RNF145: variants seen among roughly 807,000 people sequenced by gnomAD.
RNF145 encodes the protein ring finger protein 145.
Under a neutral mutation model 57.3 loss-of-function variants are expected in RNF145, and 12 were observed. That is an observed-to-expected ratio of 0.21 (90% confidence interval 0.13 to 0.34). RNF145 has a LOEUF of 0.34. Ranked by LOEUF, RNF145 falls within the 10% of genes least tolerant of loss-of-function variation. The probability of loss-of-function intolerance (pLI) is 1.00; values close to 1 mark genes in which losing one functional copy is unlikely to be tolerated. For missense variants in RNF145, 429 were observed against 799.0 expected (o/e 0.54, Z 5.58); for synonymous variants, 262 against 288.3 (o/e 0.91, Z 0.92).
At position 159,158,915 on chromosome 5, in the gene RNF145, G is replaced by T; in HGVS notation, c.1747C>A (p.Gln583Lys). The change falls in exon 11 of 11, where the codon CAG becomes AAG. Residue 583 changes from glutamine to lysine, a missense_variant. Gln to Lys is a moderately conservative substitution (Grantham distance 53). This residue lies in a region of RNF145 where 102 missense variants were observed against 106.2 expected (regional missense o/e 0.96). Coordinates refer to ENST00000424310, the MANE Select transcript of RNF145 (RefSeq NM_001199383.2). ...GGCTCAGTTCCTAATCCTGGAAGCT[G>T]GGAGGAGTTTTTCAGATGGCAGTGG... ...LCHCHLKNSS[Q>K]LPGLGTEPVL... is the part of the protein sequence containing the mutation. 4 of 1,613,924 alleles carry T rather than the reference G, an allele frequency of 2.5e-6. No homozygotes were observed. Among genetic ancestry groups the T allele is most frequent in the Middle Eastern group, 1.7e-4 (1 of 6,056 alleles).
In RNF145 at chr5:159,193,322, G is replaced by A. The variant is rs192417077; in HGVS notation, c.293+1394C>T. Among the ~76,000 whole-genome samples, 44 of 152,304 alleles carry A rather than the reference G, an allele frequency of 2.9e-4. No individual in the cohort carries two copies. In the East Asian group the frequency reaches 7.9e-3, roughly 27 times the overall value. ...CAGAGGACCTACCCTGGGCAGGATG[G>A]TGGCAGAAGTTAAAGAGTAAGACAC... On this transcript the variant is annotated intron_variant, in intron 3 of 10. Transcript: ENST00000424310.
intron 2 of RNF145, among the ~76,000 whole-genome samples, chr5:159,202,551 C>A (rs1262675511): frequency 1.3e-5 from 2 of 151,856 alleles, no homozygotes; most frequent in Non-Finnish European, 2.9e-5. Flanking sequence ...GTTCTCAGGG[C>A]TAAGTTTTAG....
chr5:159,163,520 T>A (rs990623685), intron 8 of RNF145, among the ~76,000 whole-genome samples: 2 of 152,178 alleles, frequency 1.3e-5, no homozygotes, highest in East Asian at 3.8e-4. Flanking sequence ...GCAGTGTGAC[T>A]AATAGGAATG....
intron 6 of RNF145, among the ~76,000 whole-genome samples, chr5:159,172,863 G>C (rs1349907820): frequency 6.6e-6 from 1 of 152,090 alleles, no homozygotes; most frequent in Non-Finnish European, 1.5e-5. Context: ...CTATTAACTA[G>C]AACTTAAAAC....
chr5:159,205,959 A>T (rs574065345), intron 1 of RNF145, among the ~76,000 whole-genome samples: 76 of 152,326 alleles, frequency 5.0e-4, no homozygotes, highest in African/African-American at 1.4e-3. Context: ...AGAAATCAAG[A>T]TCTGCTAGGG....
intron 4 of RNF145, among the ~76,000 whole-genome samples, chr5:159,177,193 T>C (rs1168023341): frequency 1.3e-5 from 2 of 152,136 alleles, no homozygotes; most frequent in Admixed American, 6.5e-5. Flanking sequence ...CAGTTGCTAA[T>C]GTTTATACAT....
intron 2 of RNF145, among the ~76,000 whole-genome samples, chr5:159,198,955 G>A (rs576397995): frequency 1.5e-4 from 23 of 152,234 alleles, no homozygotes; most frequent in African/African-American, 4.8e-4. Context: ...TCCAACCTGC[G>A]CAAGAGTGAG....
At chr5:159,174,179 G>C (rs773178061) in intron 5 of RNF145, 21 bp from the exon 6 acceptor site, 1 of 1,558,736 alleles carries the variant, frequency 6.4e-7, no homozygotes, top group Non-Finnish European at 8.7e-7. Context: ...ACGTAAGATA[G>C]GAAAACTTCT....
At chr5:159,196,544 G>A (rs140306555) in intron 2 of RNF145, among the ~76,000 whole-genome samples, 1 of 152,180 alleles carries the variant, frequency 6.6e-6, no homozygotes, top group African/African-American at 2.4e-5. Flanking sequence ...ATCCCCTATT[G>A]CCTCTCTCAT....
At chr5:159,193,436 C>G (rs1785353452) in intron 3 of RNF145, among the ~76,000 whole-genome samples, 2 of 152,120 alleles carry the variant, frequency 1.3e-5, no homozygotes, top group Non-Finnish European at 2.9e-5. Flanking sequence ...CTGGGAAACA[C>G]CCTGGGACTT....
At position 159,161,640 on chromosome 5, in the gene RNF145, AT is replaced by A. The variant is rs533689653; in HGVS notation, c.1270-19del. 1.5e-4 allele frequency: 138 copies of A among 906,084 alleles called. No homozygotes were observed. The East Asian group carries it at 2.1e-3, about 14-fold the overall frequency. 56.1% of individuals were successfully genotyped at this position (906,084 alleles called of 1,614,324 possible). On this transcript the variant is annotated intron_variant, in intron 9 of 10. Coordinates refer to ENST00000424310, the MANE Select transcript of RNF145 (RefSeq NM_001199383.2). ...CCCAGAACCTGAAAAAAAAAAAAAA[AT>A]GTACGTATCTTGAAATATGATCACT...
chr5:159,208,106 T>C (rs1785963752), intron 1 of RNF145: 2 of 1,446,686 alleles, frequency 1.4e-6, no homozygotes, highest in African/African-American at 1.4e-5. Context: ...CACAGGCCCC[T>C]TCCTCTCTCC....
chr5:159,188,710 T>C (rs1785176540), intron 3 of RNF145, among the ~76,000 whole-genome samples: 1 of 152,202 alleles, frequency 6.6e-6, no homozygotes. Flanking sequence ...TGACATTGAC[T>C]GAACCCATGA....
At chr5:159,162,592 GC>G (rs1321724498) in intron 9 of RNF145, among the ~76,000 whole-genome samples, 4 of 151,394 alleles carry the variant, frequency 2.6e-5, no homozygotes, top group African/African-American at 9.7e-5. Context: ...CCGCCACCGC[GC>G]CCGGCTAATT....
intron 2 of RNF145, among the ~76,000 whole-genome samples, chr5:159,195,271 C>T (rs1188211642): frequency 3.3e-5 from 5 of 152,194 alleles, no homozygotes; most frequent in South Asian, 4.1e-4. Flanking sequence ...TCAGTCGTTC[C>T]CCCTGACATC....
At chr5:159,203,307 CTCA>C (rs1785737160) in intron 2 of RNF145, 124 bp downstream of exon 2, 4 of 648,530 alleles carry the variant, frequency 6.2e-6, no homozygotes, top group Non-Finnish European at 1.1e-5. Flanking sequence ...TTCATAAACA[CTCA>C]TCAATAACTA....
At chr5:159,170,568 T>C (rs1289346842) in intron 6 of RNF145, among the ~76,000 whole-genome samples, 1 of 152,172 alleles carries the variant, frequency 6.6e-6, no homozygotes, top group Non-Finnish European at 1.5e-5. Flanking sequence ...CTGAGATAGA[T>C]TTAGCATTTA....
intron 1 of RNF145, among the ~76,000 whole-genome samples, chr5:159,208,490 A>T (rs1201519122): frequency 2.6e-5 from 4 of 152,156 alleles, no homozygotes; most frequent in Non-Finnish European, 5.9e-5. Context: ...GGATGGCAAG[A>T]CAGAGGAAAC....
chr5:159,203,687 T>C (rs1785756074), intron 1 of RNF145, 31 bp from the exon 2 acceptor site: 2 of 1,469,534 alleles, frequency 1.4e-6, no homozygotes, highest in Non-Finnish European at 1.8e-6. Context: ...TATATAAAAA[T>C]AAAAAGTCAA....
Sources: allele counts gnomAD v4.1 joint callset (sites outside exome capture counted in the v4.1 genomes callset), GRCh38; gene constraint gnomAD v4.1.1; regional missense constraint gnomAD v4.1.1; transcripts MANE v1.5; gene names NCBI Gene and HGNC (gene_info 2026-07-23, HGNC 2026-07-21).